The following CNTLN variants were observed in gnomAD, a reference collection of about 807,000 sequenced individuals.
CNTLN encodes the protein centlein, centrosomal protein.
CNTLN carries 212 observed loss-of-function variants against 180.0 expected under a neutral mutation model. The observed-to-expected ratio is 1.18, with a 90% CI of 1.05 to 1.32. CNTLN has a LOEUF of 1.32. Ranked by LOEUF, CNTLN falls within the 40% of genes most tolerant of loss-of-function variation. The pLI is 0.00. For missense variants in CNTLN, 2,095 were observed against 1,610.9 expected (o/e 1.30, Z -5.14); for synonymous variants, 722 against 563.1 (o/e 1.28, Z -3.99).
intron 5 of CNTLN, among the ~76,000 whole-genome samples, chr9:17,256,318 G>A (rs1826485003): frequency 6.6e-6 from 1 of 151,854 alleles, no homozygotes; most frequent in African/African-American, 2.4e-5. Flanking sequence ...TTTATTTTTA[G>A]CTCTTTGAGA....
intron 6 of CNTLN, among the ~76,000 whole-genome samples, chr9:17,282,590 T>C (rs1215228781): frequency 6.6e-6 from 1 of 152,214 alleles, no homozygotes; most frequent in African/African-American, 2.4e-5. Context: ...TTTAGTTTAA[T>C]TAGATAGCAT....
intron 6 of CNTLN, among the ~76,000 whole-genome samples, chr9:17,282,579 CTTTAG>C (rs1468514170): frequency 9.9e-5 from 15 of 152,080 alleles, no homozygotes; most frequent in Non-Finnish European, 1.9e-4. Context: ...TGCAGAAGCT[CTTTAG>C]TTTAATTAGA....
chr9:17,261,152 C>G lies in CNTLN; in HGVS notation c.850-12581C>G, dbSNP rs779653987. ...TTCATTTTGCTTAGGATTGCTTTGTCTAATTGGGCTTTTTGGTTTCATATA... is the reference window on the plus strand; with the variant it reads ...TTCATTTTGCTTAGGATTGCTTTGTGTAATTGGGCTTTTTGGTTTCATATA... On this transcript the variant is annotated intron_variant, in intron 5 of 25. Coordinates refer to ENST00000380647, the MANE Select transcript of CNTLN (RefSeq NM_017738.4). Among the ~76,000 whole-genome samples, 6 of 151,294 alleles carry G rather than the reference C, an allele frequency of 4.0e-5. No individual in the cohort carries two copies. In the South Asian group the frequency reaches 6.2e-4, roughly 16 times the overall value.
chr9:17,177,654 C>T (rs555298223), intron 2 of CNTLN, among the ~76,000 whole-genome samples: 27 of 152,088 alleles, frequency 1.8e-4, no homozygotes, highest in African/African-American at 5.8e-4. Flanking sequence ...GTGAGTGTTA[C>T]AGCTCTTAAG....
intron 8 of CNTLN, among the ~76,000 whole-genome samples, chr9:17,323,180 G>C (rs1483151677): frequency 6.6e-6 from 1 of 152,048 alleles, no homozygotes; most frequent in Non-Finnish European, 1.5e-5. Context: ...AAATATCCAT[G>C]TGATGGGCTT....
rs1443719007 is a variant in CNTLN at position 17,388,261 on chromosome 9, A to G, written c.2079+8A>G. 4.5e-6 allele frequency: 7 copies of G among 1,567,332 alleles called. No homozygotes were observed. The highest frequency in any genetic ancestry group is 6.1e-6 in the Non-Finnish European group (7 of 1,138,536). ...GAGCAGACATTACAGAAGGTAGTCT[A>G]ATCTTTAAGATATTGAGCTGAGCAA... On this transcript the variant is annotated splice_region_variant and intron_variant, in intron 14 of 25. Coordinates refer to ENST00000380647, the MANE Select transcript of CNTLN (RefSeq NM_017738.4).
chr9:17,248,350 A>G (rs1392089925), intron 5 of CNTLN, among the ~76,000 whole-genome samples: 1 of 151,962 alleles, frequency 6.6e-6, no homozygotes, highest in Admixed American at 6.6e-5. Flanking sequence ...TCACCAGTGA[A>G]GCTACCTGTC....
intron 2 of CNTLN, among the ~76,000 whole-genome samples, chr9:17,225,506 CCAAT>C (rs1177494423): frequency 1.3e-5 from 2 of 151,990 alleles, no homozygotes; most frequent in East Asian, 1.9e-4. Context: ...AAATCAGTGT[CCAAT>C]CAATTTCCCC....
At chr9:17,402,489 A>G (rs951027778) in intron 15 of CNTLN, among the ~76,000 whole-genome samples, 3 of 151,882 alleles carry the variant, frequency 2.0e-5, no homozygotes, top group Non-Finnish European at 2.9e-5. Flanking sequence ...AAGAAACTGA[A>G]TTATAGGGAC....
intron 3 of CNTLN, among the ~76,000 whole-genome samples, chr9:17,228,868 T>C (rs1465972669): frequency 6.6e-6 from 1 of 152,032 alleles, no homozygotes; most frequent in African/African-American, 2.4e-5. Context: ...TTATCAAAAA[T>C]AGGCTTATTT....
At chr9:17,189,569 C>T (rs892434866) in intron 2 of CNTLN, among the ~76,000 whole-genome samples, 3 of 151,666 alleles carry the variant, frequency 2.0e-5, no homozygotes, top group East Asian at 1.9e-4. Flanking sequence ...CTGCAACCTC[C>T]GCCTCCCAGG....
At chr9:17,212,635 A>T (rs980012617) in intron 2 of CNTLN, among the ~76,000 whole-genome samples, 1 of 152,178 alleles carries the variant, frequency 6.6e-6, no homozygotes, top group Non-Finnish European at 1.5e-5. Flanking sequence ...GAATGGTACC[A>T]GCTCCTCCTT....
chr9:17,393,399 A>G (rs1826257243), intron 14 of CNTLN, among the ~76,000 whole-genome samples: 1 of 152,160 alleles, frequency 6.6e-6, no homozygotes, highest in South Asian at 2.1e-4. Flanking sequence ...TTTTTCAGTC[A>G]TTTAGATTGT....
rs189943702 is a variant in CNTLN, at chr9:17,161,538, T to C, written c.449+18162T>C. ...ACATTAGGAGCCATAAGAGCTTGAA[T>C]TGTTCAACTTTTCTTTGAATAACTA... On this transcript the variant is annotated intron_variant, in intron 2 of 25. Coordinates refer to ENST00000380647, the MANE Select transcript of CNTLN (RefSeq NM_017738.4). Among the ~76,000 whole-genome samples the C allele has an allele frequency of 4.0e-3, 613 of 152,308 alleles. 18 individuals are homozygous for C. Among genetic ancestry groups the C allele is most frequent in the Admixed American group, 0.032 (489 of 15,296 alleles).
rs1442627729 is a variant in CNTLN, at chr9:17,484,390, C to A, written c.3951C>A (p.Thr1317=). The change falls in exon 24 of 26, where the codon ACC becomes ACA. Residue 1317 remains threonine (T), a synonymous_variant. Coordinates refer to ENST00000380647, the MANE Select transcript of CNTLN (RefSeq NM_017738.4). ...AGAAAAACAGGGACGCCTGTAAAAC[C>A]TCAACCCATAAAGCCCAGACCTTGG... The part of the protein sequence containing the change: ...KMKKNRDACK[T]STHKAQTLAA... 6.2e-7 allele frequency: 1 copy of A among 1,612,768 alleles called. No homozygotes were observed. The highest frequency in any genetic ancestry group is 8.5e-7 in the Non-Finnish European group (1 of 1,179,466).
At chr9:17,350,583 C>G (rs76318527) in intron 12 of CNTLN, among the ~76,000 whole-genome samples, 47 of 152,186 alleles carry the variant, frequency 3.1e-4, no homozygotes, top group Middle Eastern at 3.4e-3. Flanking sequence ...TATAACAAAA[C>G]GCCATAGGCT....
chr9:17,371,020 A>C (rs1263067551), intron 13 of CNTLN, among the ~76,000 whole-genome samples: 4 of 152,126 alleles, frequency 2.6e-5, no homozygotes, highest in African/African-American at 9.7e-5. Context: ...GGTAAGAGAA[A>C]ATTACCTTCA....
intron 2 of CNTLN, among the ~76,000 whole-genome samples, chr9:17,163,798 C>T (rs2131601914): frequency 6.6e-6 from 1 of 152,270 alleles, no homozygotes; most frequent in Non-Finnish European, 1.5e-5. Context: ...GCGGCTGAGG[C>T]ATGTGGATTG....
chr9:17,318,732 A>G (rs1819703199), intron 8 of CNTLN, among the ~76,000 whole-genome samples: 1 of 152,110 alleles, frequency 6.6e-6, no homozygotes. Context: ...ATGAAGAGAA[A>G]TGTGTGACTT....
Sources: allele counts gnomAD v4.1 joint callset (sites outside exome capture counted in the v4.1 genomes callset), GRCh38; gene constraint gnomAD v4.1.1; transcripts MANE v1.5; gene names NCBI Gene and HGNC (gene_info 2026-07-23, HGNC 2026-07-21).